The following FHIT variants were observed in gnomAD, a reference collection of about 807,000 sequenced individuals.
The protein encoded by FHIT is fragile histidine triad diadenosine triphosphatase.
Under a neutral mutation model 17.9 loss-of-function variants are expected in FHIT, and 19 were observed. The observed-to-expected ratio is 1.06, with a 90% CI of 0.74 to 1.56. The LOEUF (loss-of-function observed/expected upper bound fraction) is 1.56, where lower values mean the gene tolerates loss of function less well. Among genes scored for constraint, FHIT ranks in the 40% most tolerant of loss-of-function variants. FHIT has a pLI of 0.00. For missense variants in FHIT, 248 were observed against 189.2 expected (o/e 1.31, Z -1.82); for synonymous variants, 81 against 69.7 (o/e 1.16, Z -0.81).
At chr3:61,216,145 G>T (rs1420978414) in intron 1 of FHIT, among the ~76,000 whole-genome samples, 7 of 152,152 alleles carry the variant, frequency 4.6e-5, no homozygotes, top group African/African-American at 2.4e-5. Context: ...TGACAAATGG[G>T]ATCTAATTAA....
chr3:60,658,961 CTTT>C (rs34800096), intron 4 of FHIT, among the ~76,000 whole-genome samples: 1 of 138,162 alleles, frequency 7.2e-6, no homozygotes, highest in Non-Finnish European at 1.6e-5. Flanking sequence ...ACTTCCTCAG[CTTT>C]TTTTTTTTTT....
intron 5 of FHIT, among the ~76,000 whole-genome samples, chr3:60,309,569 T>C (rs1708845540): frequency 6.6e-6 from 1 of 152,168 alleles, no homozygotes; most frequent in Non-Finnish European, 1.5e-5. Context: ...AGATTTTCTG[T>C]GCATTCCTTC....
rs1175475056 is a variant in FHIT, at chr3:60,484,336, A to G, written c.103+52524T>C. Among the ~76,000 whole-genome samples the G allele has an allele frequency of 6.6e-5, 10 of 152,222 alleles. 1 individual carries two copies. Among genetic ancestry groups the G allele is most frequent in the Admixed American group, 6.5e-4 (10 of 15,276 alleles). ...AACACTACTTTAAATTTCATATGGA[A>G]TCTATGAAGACCTCTGTATAGCCAA... is the stretch of plus-strand genomic sequence containing the variant. On this transcript the variant is annotated intron_variant, in intron 5 of 9. Transcript: ENST00000492590.
chr3:61,200,265 G>A (rs2038972972), intron 2 of FHIT, among the ~76,000 whole-genome samples: 1 of 152,146 alleles, frequency 6.6e-6, no homozygotes, highest in Admixed American at 6.5e-5. Context: ...GCTTTATTTG[G>A]CCAGCTAGTT....
intron 3 of FHIT, among the ~76,000 whole-genome samples, chr3:60,987,546 C>T (rs56913134): frequency 0.094 from 14,369 of 152,196 alleles, 946 homozygotes; most frequent in East Asian, 0.24. Flanking sequence ...GACTGGTTTG[C>T]TGTTAATAAA....
intron 3 of FHIT, among the ~76,000 whole-genome samples, chr3:60,827,295 C>T (rs1702158584): frequency 6.6e-6 from 1 of 152,068 alleles, no homozygotes; most frequent in Non-Finnish European, 1.5e-5. Context: ...CTGGCCATCC[C>T]CAAATCCCAA....
chr3:59,853,449 G>C (rs1702023657), intron 8 of FHIT, among the ~76,000 whole-genome samples: 1 of 152,092 alleles, frequency 6.6e-6, no homozygotes, highest in South Asian at 2.1e-4. Flanking sequence ...TATGTGATTT[G>C]CAAGTCCTAT....
At chr3:60,905,858 G>C (rs1254282805) in intron 3 of FHIT, among the ~76,000 whole-genome samples, 1 of 152,158 alleles carries the variant, frequency 6.6e-6, no homozygotes, top group African/African-American at 2.4e-5. Flanking sequence ...AAATGGAGCT[G>C]GAAGGGTAGG....
intron 3 of FHIT, among the ~76,000 whole-genome samples, chr3:60,913,379 T>A (rs942207305): frequency 2.6e-5 from 4 of 152,226 alleles, no homozygotes; most frequent in Non-Finnish European, 5.9e-5. Flanking sequence ...CTACTCAAAC[T>A]GTGAACCACA....
chr3:61,000,431 G>T (rs2030995516), intron 3 of FHIT, among the ~76,000 whole-genome samples: 1 of 152,282 alleles, frequency 6.6e-6, no homozygotes, highest in South Asian at 2.1e-4. Context: ...AAAGGTCAAA[G>T]CATATAATGC....
At chr3:60,183,819 C>A (rs547548325) in intron 5 of FHIT, among the ~76,000 whole-genome samples, 3 of 151,938 alleles carry the variant, frequency 2.0e-5, no homozygotes, top group African/African-American at 7.3e-5. Flanking sequence ...ACAGCGTTAA[C>A]GTTTTTACTT....
At chr3:60,909,812 T>C (rs1553765437) in intron 3 of FHIT, among the ~76,000 whole-genome samples, 1 of 152,146 alleles carries the variant, frequency 6.6e-6, no homozygotes, top group African/African-American at 2.4e-5. Flanking sequence ...CTAGTACCTT[T>C]CATTTAAAAG....
At chr3:60,189,767 T>A (rs1327654328) in intron 5 of FHIT, among the ~76,000 whole-genome samples, 1 of 152,232 alleles carries the variant, frequency 6.6e-6, no homozygotes, top group Non-Finnish European at 1.5e-5. Flanking sequence ...TCAAAAGAGT[T>A]AACTACTTTG....
At chr3:61,244,254 G>C (rs1044914988) in intron 1 of FHIT, 1 of 152,102 alleles carries the variant, frequency 6.6e-6, no homozygotes, top group Non-Finnish European at 1.5e-5. Flanking sequence ...CCAGCCCCAG[G>C]TGATTCTAAC....
intron 5 of FHIT, among the ~76,000 whole-genome samples, chr3:60,370,241 G>A (rs1465708682): frequency 1.3e-5 from 2 of 152,020 alleles, no homozygotes; most frequent in Non-Finnish European, 2.9e-5. Flanking sequence ...GTTTTATGAA[G>A]CCCAATTCAG....
chr3:61,241,520 G>C (rs1055715226), intron 1 of FHIT, among the ~76,000 whole-genome samples: 5 of 152,174 alleles, frequency 3.3e-5, no homozygotes, highest in African/African-American at 1.2e-4. Context: ...GTGATTAAAT[G>C]ACTGTAGATT....
intron 8 of FHIT, among the ~76,000 whole-genome samples, chr3:59,904,510 G>A (rs908708269): frequency 7.9e-5 from 12 of 152,184 alleles, no homozygotes; most frequent in African/African-American, 2.7e-4. Context: ...CAAGTAGACT[G>A]AAGTCATGAT....
chr3:60,130,988 T>C (rs1351717687), intron 5 of FHIT, among the ~76,000 whole-genome samples: 2 of 132,390 alleles, frequency 1.5e-5, no homozygotes, highest in African/African-American at 2.9e-5. Flanking sequence ...TATACACATA[T>C]ATACACATAT....
chr3:60,734,271 T>G (rs1166818784), intron 4 of FHIT, among the ~76,000 whole-genome samples: 1 of 152,232 alleles, frequency 6.6e-6, no homozygotes, highest in African/African-American at 2.4e-5. Context: ...TCTTGTTTAT[T>G]TCTATTAAGA....
Sources: gnomAD v4.1 joint callset for allele counts (sites outside exome capture counted in the v4.1 genomes callset) on GRCh38, gnomAD v4.1.1 for gene constraint, MANE v1.5 for transcripts, NCBI Gene and HGNC (gene_info 2026-07-23, HGNC 2026-07-21) for gene names.